The following RELN variants were observed in gnomAD, a reference collection of about 807,000 sequenced individuals.
The protein encoded by RELN is reelin.
In RELN, 108 loss-of-function variants were observed where a neutral mutation model predicts 427.6. The ratio of observed to expected loss-of-function variants is 0.25; its 90% CI spans 0.22 to 0.30. RELN has a LOEUF of 0.30. RELN is among the 10% of genes least tolerant of loss of function. The pLI, the probability that RELN is intolerant of heterozygous loss-of-function variation, is 1.00. For synonymous variants in RELN, 1,524 were observed against 1,513.4 expected (o/e 1.01, Z -0.16); for missense variants, 3,715 against 4,302.8 (o/e 0.86, Z 3.82).
chr7:103,982,368 C>T (rs756229677), intron 1 of RELN, among the ~76,000 whole-genome samples: 2 of 152,094 alleles, frequency 1.3e-5, no homozygotes, highest in Non-Finnish European at 2.9e-5. Flanking sequence ...GGGAGGACCA[C>T]AGCAATTCAG....
intron 2 of RELN, among the ~76,000 whole-genome samples, chr7:103,885,497 C>T (rs1233467724): frequency 6.6e-6 from 1 of 152,112 alleles, no homozygotes. Flanking sequence ...ACAGAAAAAC[C>T]AAACACCACA....
intron 11 of RELN, among the ~76,000 whole-genome samples, chr7:103,676,086 T>A (rs1833515170): frequency 6.6e-6 from 1 of 152,094 alleles, no homozygotes; most frequent in Non-Finnish European, 1.5e-5. Flanking sequence ...GAAACTACCA[T>A]CAGAGTGAAC....
At chr7:103,838,573 G>A (rs540913416) in intron 2 of RELN, among the ~76,000 whole-genome samples, 17 of 152,228 alleles carry the variant, frequency 1.1e-4, no homozygotes, top group African/African-American at 3.9e-4. Context: ...ACTCAATAGC[G>A]TGACTCAGGA....
chr7:103,728,281 G>T (rs1179130104), intron 6 of RELN, 74 bp from the exon 7 acceptor site: 2 of 1,332,750 alleles, frequency 1.5e-6, no homozygotes, highest in Non-Finnish European at 2.2e-6. Context: ...GGTAAGAAAC[G>T]ATATAATATT....
intron 42 of RELN, 90 bp from the exon 43 acceptor site, chr7:103,542,968 G>A (rs200266794): frequency 3.8e-6 from 5 of 1,329,818 alleles, no homozygotes; most frequent in African/African-American, 1.5e-5. Flanking sequence ...AATGCATTAT[G>A]TAGTTTCAAA....
At chr7:103,755,756 A>G (rs1382285733) in intron 4 of RELN, among the ~76,000 whole-genome samples, 1 of 143,180 alleles carries the variant, frequency 7.0e-6, no homozygotes, top group South Asian at 2.3e-4. Context: ...GCGGACTTGC[A>G]GTGAGCTGAT....
chr7:103,956,103 T>C (rs1219595402), intron 1 of RELN, among the ~76,000 whole-genome samples: 3 of 152,214 alleles, frequency 2.0e-5, no homozygotes, highest in Non-Finnish European at 2.9e-5. Flanking sequence ...TTCCATGGTA[T>C]CAGGGTTTTC....
At chr7:103,892,349 T>C (rs1282446869) in intron 2 of RELN, among the ~76,000 whole-genome samples, 7 of 152,228 alleles carry the variant, frequency 4.6e-5, no homozygotes, top group African/African-American at 1.2e-4. Context: ...GTTTACACCA[T>C]TGAAATTTTA....
chr7:103,612,400 C>T (rs1831981331), intron 20 of RELN, among the ~76,000 whole-genome samples: 1 of 151,792 alleles, frequency 6.6e-6, no homozygotes, highest in Non-Finnish European at 1.5e-5. Context: ...CTCAGCCTCC[C>T]TAGTAGCTGG....
chr7:103,909,742 TA>T (rs1563084931), intron 2 of RELN, among the ~76,000 whole-genome samples: 1 of 26,832 alleles, frequency 3.7e-5, no homozygotes, highest in Non-Finnish European at 6.6e-5. Context: ...TTAATATATA[TA>T]AATATATATA....
rs1263586565 is a variant in RELN, at chr7:103,557,947, T to A, written c.5614+18A>T. 2 of 1,123,732 alleles carry A rather than the reference T, an allele frequency of 1.8e-6. No homozygotes were observed. Among genetic ancestry groups the A allele is most frequent in the African/African-American group, 1.5e-5 (1 of 65,696 alleles). 69.6% of individuals were successfully genotyped at this position (1,123,732 alleles called of 1,614,324 possible). Reference sequence around the variant, plus strand: ...AGGGGAGAATTCTCTTGAAGGAAAATAATAAATTCATACTTACTTTTTGCT... The same window carrying A: ...AGGGGAGAATTCTCTTGAAGGAAAAAAATAAATTCATACTTACTTTTTGCT... On this transcript the variant is annotated intron_variant, in intron 37 of 64. Transcript: ENST00000428762.
intron 8 of RELN, among the ~76,000 whole-genome samples, chr7:103,721,413 C>T (rs1347945962): frequency 1.3e-5 from 2 of 152,068 alleles, no homozygotes; most frequent in South Asian, 2.1e-4. Context: ...TATGTCTAGT[C>T]CCGAGACCTT....
intron 2 of RELN, among the ~76,000 whole-genome samples, chr7:103,849,131 T>C (rs984691469): frequency 1.3e-5 from 2 of 152,194 alleles, no homozygotes; most frequent in African/African-American, 4.8e-5. Flanking sequence ...TCACAGTTCC[T>C]GCTAAATAAT....
intron 2 of RELN, among the ~76,000 whole-genome samples, chr7:103,847,119 T>C (rs28374422): frequency 0.14 from 21,089 of 152,096 alleles, 1,627 homozygotes; most frequent in East Asian, 0.29. Flanking sequence ...CACATGCGCA[T>C]GTATGTTTAT....
chr7:103,926,247 C>G (rs1391560510), intron 1 of RELN, among the ~76,000 whole-genome samples: 1 of 151,716 alleles, frequency 6.6e-6, no homozygotes, highest in African/African-American at 2.4e-5. Context: ...ACTACGGGTA[C>G]GTGCCATCAG....
intron 2 of RELN, among the ~76,000 whole-genome samples, chr7:103,897,290 T>C (rs1265871230): frequency 6.6e-6 from 1 of 152,088 alleles, no homozygotes; most frequent in East Asian, 1.9e-4. Context: ...CAAATATAAC[T>C]GTTGAAACAG....
At chr7:103,681,845 C>G (rs1833659007) in intron 11 of RELN, among the ~76,000 whole-genome samples, 2 of 152,066 alleles carry the variant, frequency 1.3e-5, no homozygotes, top group Non-Finnish European at 1.5e-5. Flanking sequence ...AAACCTTTCT[C>G]CCAGTAAAAG....
chr7:103,525,295 T>C (rs998297131), intron 46 of RELN, among the ~76,000 whole-genome samples: 1 of 152,320 alleles, frequency 6.6e-6, no homozygotes, highest in Middle Eastern at 3.4e-3. Flanking sequence ...CTTATAGTAT[T>C]TGTCACAGTT....
At chr7:103,724,686 C>T (rs1471082060) in intron 7 of RELN, among the ~76,000 whole-genome samples, 2 of 151,990 alleles carry the variant, frequency 1.3e-5, no homozygotes, top group East Asian at 3.9e-4. Context: ...TGATTGGTTA[C>T]TGATTCTAAT....
Sources: allele counts gnomAD v4.1 joint callset (sites outside exome capture counted in the v4.1 genomes callset), GRCh38; gene constraint gnomAD v4.1.1; transcripts MANE v1.5; gene names NCBI Gene and HGNC (gene_info 2026-07-23, HGNC 2026-07-21).